Variants in ATP8B2 observed in about 807,000 individuals in gnomAD.
ATP8B2 encodes the protein phospholipid-transporting ATPase ID.
ATP8B2 carries 70 observed loss-of-function variants against 133.4 expected under a neutral mutation model. The ratio of observed to expected loss-of-function variants is 0.52; its 90% CI spans 0.43 to 0.64. The LOEUF (loss-of-function observed/expected upper bound fraction) is 0.64. Among genes scored for constraint, ATP8B2 ranks in the 30% least tolerant of loss-of-function variants. ATP8B2 has a pLI of 0.00. For missense variants in ATP8B2, 1,101 were observed against 1,535.7 expected, an observed-to-expected ratio of 0.72 and a Z score of 4.73; for synonymous variants, 517 against 589.5, an observed-to-expected ratio of 0.88 and a Z score of 1.78.
Position 154,334,359 on chromosome 1 carries a change from A to G in ATP8B2, c.748+94A>G. On this transcript the variant is annotated intron_variant, in intron 10 of 27. Coordinates refer to ENST00000368489, the MANE Select transcript of ATP8B2 (RefSeq NM_001370597.1). The surrounding 1 kb of genome is among the most constrained non-coding windows in gnomAD (Gnocchi z 4.6). ...GATGAGGTGGGAGAATACCTAAGGT[A>G]AAAAACCTCCAGCTGTGTATACAGG... The G allele has an allele frequency of 6.4e-7, 1 of 1,552,998 alleles. No homozygotes were observed. Among genetic ancestry groups the G allele is most frequent in the Non-Finnish European group, 8.8e-7 (1 of 1,137,004 alleles).
At chr1:154,347,643 G>C (rs1293627424) in intron 26 of ATP8B2, among the ~76,000 whole-genome samples, 10 of 151,990 alleles carry the variant, frequency 6.6e-5, no homozygotes, top group East Asian at 1.9e-4. Flanking sequence ...GAGATGTTTT[G>C]AAAATGGAAA....
rs1349053316 is a variant in ATP8B2, at chr1:154,344,297, C to G, written c.2035+43C>G. On this transcript the variant is annotated intron_variant, in intron 19 of 27. Coordinates refer to ENST00000368489, the MANE Select transcript of ATP8B2 (RefSeq NM_001370597.1). This position sits in a 1 kb window ranked among gnomAD's most constrained non-coding sequence, Gnocchi z 4.1. ...CAGAGCCAGTTGCAACTGACAGTAG[C>G]CCTGTTGGACCCTTGCATGGAGCCG... 1 of 1,614,126 alleles carries G rather than the reference C, an allele frequency of 6.2e-7. No homozygotes were observed. Among genetic ancestry groups the G allele is most frequent in the East Asian group, 2.2e-5 (1 of 44,892 alleles).
At chr1:154,337,105 GTT>G (rs71077943) in intron 11 of ATP8B2, among the ~76,000 whole-genome samples, 249 of 73,794 alleles carry the variant, frequency 3.4e-3, no homozygotes, top group Admixed American at 8.1e-3. Context: ...GCCCATAATA[GTT>G]TTTTTTTTTT....
At position 154,343,619 on chromosome 1, in the gene ATP8B2, G is replaced by T. The variant is rs751467371; in HGVS notation, c.1758+51G>T. Reference sequence around the variant, plus strand: ...GCCTGGGGGGTTCTACTCTTAGTGTGGGGGAGGCGACTTAAGTTTGTTTTA... The same window carrying T: ...GCCTGGGGGGTTCTACTCTTAGTGTTGGGGAGGCGACTTAAGTTTGTTTTA... On this transcript the variant is annotated intron_variant, in intron 17 of 27. Coordinates refer to ENST00000368489, the MANE Select transcript of ATP8B2 (RefSeq NM_001370597.1). This position sits in a 1 kb window ranked among gnomAD's most constrained non-coding sequence, Gnocchi z 5.8. 2.6e-6 allele frequency: 4 copies of T among 1,532,558 alleles called. No homozygotes were observed. Among genetic ancestry groups the T allele is most frequent in the South Asian group, 1.1e-5 (1 of 89,278 alleles). 94.9% of individuals were successfully genotyped at this position (1,532,558 alleles called of 1,614,324 possible).
At chr1:154,335,827 CAA>C (rs1453018882) in intron 11 of ATP8B2, among the ~76,000 whole-genome samples, 1 of 151,882 alleles carries the variant, frequency 6.6e-6, no homozygotes, top group Admixed American at 6.6e-5. Context: ...ATCACGAGGT[CAA>C]GAGATCAAGA....
Position 154,344,703 on chromosome 1 carries a change from A to T in ATP8B2, c.2204A>T (p.Asp735Val). The change falls in exon 21 of 28, where the codon GAC becomes GTC. Residue 735 changes from aspartate (D) to valine (V), a missense_variant. Asp to Val is a radical substitution (Grantham distance 152). Transcript: ENST00000368489. This position sits in a 1 kb window ranked among gnomAD's most constrained non-coding sequence, Gnocchi z 4.1. The stretch of plus-strand genomic sequence containing the variant: ...GTAGGCAACGGCTTCACCTATCAGG[A>T]CAAGCTTTCTTCTTCCAAGCTAACT... ...RSVGNGFTYQ[D>V]KLSSSKLTSV... 6.2e-7 allele frequency: 1 copy of T among 1,612,322 alleles called. No homozygotes were observed. The highest frequency in any genetic ancestry group is 8.5e-7 in the Non-Finnish European group (1 of 1,178,474).
chr1:154,327,720 C>A (rs1356081643), intron 1 of ATP8B2: 2 of 1,441,648 alleles, frequency 1.4e-6, no homozygotes, highest in Non-Finnish European at 1.9e-6. Flanking sequence ...CCACCCCACC[C>A]TTTGGGGAAA....
Position 154,332,701 on chromosome 1 carries a change from A to G in ATP8B2, c.589+4A>G. 2 of 1,568,278 alleles carry G rather than the reference A, an allele frequency of 1.3e-6. No homozygotes were observed. The highest frequency in any genetic ancestry group is 1.7e-6 in the Non-Finnish European group (2 of 1,154,568). On this transcript the variant is annotated splice_donor_region_variant and intron_variant, in intron 9 of 27. Transcript: ENST00000368489. ...AGTAAGCTTGCCAAGTTTGACGGTG[A>G]GTAATTTTGGAGGAGCAGCCTGAAG... is the stretch of plus-strand genomic sequence containing the variant.
chr1:154,350,890 A>C lies in ATP8B2; in HGVS notation c.*1772A>C, dbSNP rs563264879. On this transcript the variant is annotated 3_prime_UTR_variant, in exon 28 of 28. Coordinates refer to ENST00000368489, the MANE Select transcript of ATP8B2 (RefSeq NM_001370597.1). ...TGGGTAGGGGGATTTTAAATGTTCC[A>C]TATGGGAGCCCCAAAGGAACTGGAT... The C allele has an allele frequency of 3.7e-5, 5 of 135,408 alleles. No individual in the cohort carries two copies. The highest frequency in any genetic ancestry group is 8.0e-5 in the African/African-American group (3 of 37,418). 8.4% of individuals were successfully genotyped at this position (135,408 alleles called of 1,614,324 possible).
At chr1:154,332,818 T>C (rs998524854) in intron 9 of ATP8B2, 121 bp downstream of exon 9, 4 of 744,740 alleles carry the variant, frequency 5.4e-6, no homozygotes, top group Non-Finnish European at 9.0e-6. Flanking sequence ...CCCTGGACTG[T>C]TTTGGGGAGG....
In ATP8B2 at chr1:154,331,776, C is replaced by G; in HGVS notation, c.438+98C>G. On this transcript the variant is annotated intron_variant, in intron 7 of 27. Transcript: ENST00000368489. The surrounding 1 kb of genome is among the most constrained non-coding windows in gnomAD (Gnocchi z 4.8). ...GATTTACTGTTGCCTCTTAAACACC[C>G]GTGGCAGGAATCTTTCTCACACCAG... 1 of 1,406,228 alleles carries G rather than the reference C, an allele frequency of 7.1e-7. No homozygotes were observed. 87.1% of individuals were successfully genotyped at this position (1,406,228 alleles called of 1,614,324 possible).
chr1:154,344,648 C>A lies in ATP8B2; in HGVS notation c.2149C>A (p.Arg717=). Residue 717 remains arginine, a synonymous_variant, in exon 21 of 28, where the codon CGG becomes AGG. Transcript: ENST00000368489. The surrounding 1 kb of genome is among the most constrained non-coding windows in gnomAD (Gnocchi z 4.1). ...LEVREELRKA[R]EKMMDSSRSV... ...TCATTTCCACCTCGACAGGAAAGCC[C>A]GGGAGAAGATGATGGACTCATCCCG... 1.9e-6 allele frequency: 3 copies of A among 1,607,898 alleles called. No homozygotes were observed. The highest frequency in any genetic ancestry group is 2.6e-6 in the Non-Finnish European group (3 of 1,174,820).
Position 154,349,217 on chromosome 1 carries a change from C to T in ATP8B2, c.*99C>T. 7.0e-7 allele frequency: 1 copy of T among 1,430,438 alleles called. No homozygotes were observed. Among genetic ancestry groups the T allele is most frequent in the South Asian group, 1.4e-5 (1 of 73,952 alleles). The allele number at this position is 1,430,438 out of a possible 1,614,324, so 88.6% of individuals were successfully genotyped here. ...CGGAACTGCTGGTCCTCATTCCTTG[C>T]TTCCCGTCCCCCCGGTAGACTCTGT... On this transcript the variant is annotated 3_prime_UTR_variant, in exon 28 of 28. Transcript: ENST00000368489.
In ATP8B2 at chr1:154,349,416, T is replaced by G. The variant is rs1686713451; in HGVS notation, c.*298T>G. On this transcript the variant is annotated 3_prime_UTR_variant, in exon 28 of 28. Coordinates refer to ENST00000368489, the MANE Select transcript of ATP8B2 (RefSeq NM_001370597.1). ...AAAAACAAGAAAAAACTGTGAGAGA[T>G]TGTGTCTGCCCCTGCCCTGCCTGGG... 4.6e-6 allele frequency: 2 copies of G among 432,794 alleles called. No individual in the cohort carries two copies. Among genetic ancestry groups the G allele is most frequent in the Admixed American group, 3.6e-5 (1 of 27,730 alleles). 26.8% of individuals were successfully genotyped at this position (432,794 alleles called of 1,614,324 possible).
chr1:154,337,499 ACAT>A lies in ATP8B2; in HGVS notation c.997_999del (p.Ile333del). The A allele has an allele frequency of 6.2e-7, 1 of 1,614,148 alleles. No individual in the cohort carries two copies. The highest frequency in any genetic ancestry group is 8.5e-7 in the Non-Finnish European group (1 of 1,180,028). ...TCTGGCTTCCTCTCCTTCTGGTCCT[ACAT>A]CATCATCCTCAACACCGTTGTGCCC... is the stretch of plus-strand genomic sequence containing the variant. On this transcript the variant is annotated inframe_deletion, in exon 12 of 28. Coordinates refer to ENST00000368489, the MANE Select transcript of ATP8B2 (RefSeq NM_001370597.1).
Position 154,339,944 on chromosome 1 carries a change from G to A in ATP8B2, c.1035-910G>A, listed in dbSNP as rs982101968. Among the ~76,000 whole-genome samples, 6 of 152,150 alleles carry A rather than the reference G, an allele frequency of 3.9e-5. 1 individual carries two copies. The highest frequency in any genetic ancestry group is 2.1e-4 in the South Asian group (1 of 4,822). ...CGCCTGTAATCCCAGCACTTTGGGC[G>A]GTGGAGGCGGGAGGATCTCTTGAGT... On this transcript the variant is annotated intron_variant, in intron 12 of 27. Coordinates refer to ENST00000368489, the MANE Select transcript of ATP8B2 (RefSeq NM_001370597.1).
In ATP8B2 at chr1:154,349,003, C is replaced by T. The variant is rs752038589; in HGVS notation, c.3458C>T (p.Ala1153Val). 7 of 1,614,120 alleles carry T rather than the reference C, an allele frequency of 4.3e-6. No individual in the cohort carries two copies. Among genetic ancestry groups the T allele is most frequent in the Admixed American group, 3.3e-5 (2 of 60,006 alleles). ...AAGAACATGCGGCTGAGCTCTCTCG[C>T]GCTCTCCAGCTTCACCACCCGCTCC... ...SGKNMRLSSL[A>V]LSSFTTRSSS... The change falls in exon 28 of 28, where the codon GCG becomes GTG. Residue 1153 changes from alanine to valine, a missense_variant. Physicochemically the swap from Ala to Val is moderately conservative, Grantham distance 64. Coordinates refer to ENST00000368489, the MANE Select transcript of ATP8B2 (RefSeq NM_001370597.1).
At chr1:154,347,429 A>G (rs1206383227) in intron 26 of ATP8B2, among the ~76,000 whole-genome samples, 2 of 152,146 alleles carry the variant, frequency 1.3e-5, no homozygotes, top group African/African-American at 2.4e-5. Flanking sequence ...TTGAATTTTA[A>G]TCTAAATGTG....
intron 1 of ATP8B2, among the ~76,000 whole-genome samples, chr1:154,327,559 C>G (rs1441417942): frequency 2.6e-5 from 4 of 152,108 alleles, no homozygotes; most frequent in African/African-American, 9.7e-5. Context: ...GGCCATGCCT[C>G]TAATGTGAGC....
Sources: gnomAD v4.1 joint callset for allele counts (sites outside exome capture counted in the v4.1 genomes callset) on GRCh38, gnomAD v4.1.1 for gene constraint, Gnocchi (gnomAD v3.1) non-coding constraint, MANE v1.5 for transcripts, NCBI Gene and HGNC (gene_info 2026-07-23, HGNC 2026-07-21) for gene names.